The following RPS6KC1 variants were observed in gnomAD, a reference collection of about 807,000 sequenced individuals.
The protein encoded by RPS6KC1 is ribosomal protein S6 kinase C1.
RPS6KC1 carries 54 observed loss-of-function variants against 103.8 expected under a neutral mutation model. The ratio of observed to expected loss-of-function variants is 0.52; its 90% CI spans 0.42 to 0.65. The LOEUF (loss-of-function observed/expected upper bound fraction) is 0.65. Among genes scored for constraint, RPS6KC1 ranks in the 30% least tolerant of loss-of-function variants. The pLI is 0.00. For missense variants in RPS6KC1, 1,151 were observed against 1,253.8 expected (o/e 0.92, Z 1.24); for synonymous variants, 439 against 438.7 (o/e 1.00, Z -0.01).
the RPS6KC1 span, among the ~76,000 whole-genome samples, chr1:213,639,539 T>G: frequency 2.0e-5 from 3 of 152,108 alleles, no homozygotes; most frequent in South Asian, 6.2e-4. Context: ...TTGGGATTTT[T>G]TGGTAGATGT....
the RPS6KC1 span, among the ~76,000 whole-genome samples, chr1:213,372,472 C>T: frequency 6.6e-6 from 1 of 152,216 alleles, no homozygotes; most frequent in East Asian, 1.9e-4. Flanking sequence ...CCCATCCTGT[C>T]GAGGGGGAGC....
chr1:213,232,245 G>A lies in RPS6KC1; in HGVS notation c.1215G>A (p.Gln405=), dbSNP rs761314274. The change falls in exon 10 of 15, where the codon CAG becomes CAA. Residue 405 remains glutamine, a synonymous_variant. Coordinates refer to ENST00000366960, the MANE Select transcript of RPS6KC1 (RefSeq NM_012424.6). The part of the protein sequence containing the change: ...ISEESVFLVL[Q]HAEGGKLWSY... ...AGGAGTCAGTATTTCTTGTGCTGCAGCATGCGGAAGGTTGGTTTGTAGTTT... is the reference window on the plus strand; with the variant it reads ...AGGAGTCAGTATTTCTTGTGCTGCAACATGCGGAAGGTTGGTTTGTAGTTT... The A allele has an allele frequency of 1.2e-6, 2 of 1,613,948 alleles. No homozygotes were observed. Among genetic ancestry groups the A allele is most frequent in the South Asian group, 1.1e-5 (1 of 91,080 alleles).
At chr1:213,748,517 A>G in the RPS6KC1 span, among the ~76,000 whole-genome samples, 1 of 152,078 alleles carries the variant, frequency 6.6e-6, no homozygotes, top group Admixed American at 6.5e-5. Context: ...GTAATGGAAA[A>G]CTCCTGATTA....
At chr1:213,331,927 G>A in the RPS6KC1 span, among the ~76,000 whole-genome samples, 3 of 151,116 alleles carry the variant, frequency 2.0e-5, no homozygotes, top group Non-Finnish European at 4.4e-5. Flanking sequence ...TCCTGTTTTT[G>A]TGGATCTTCC....
intron 6 of RPS6KC1, among the ~76,000 whole-genome samples, chr1:213,161,661 G>T (rs1024958139): frequency 6.6e-6 from 1 of 152,090 alleles, no homozygotes; most frequent in African/African-American, 2.4e-5. Flanking sequence ...ATATCTGTTT[G>T]TGTTAACAGC....
At chr1:213,683,227 G>A in the RPS6KC1 span, among the ~76,000 whole-genome samples, 20,548 of 152,128 alleles carry the variant, frequency 0.14, 1,494 homozygotes, top group Non-Finnish European at 0.15. Context: ...GTCGGGGTCA[G>A]GAGTCTCTCT....
rs1467275580 is a variant in RPS6KC1, at chr1:213,051,259, T to G, written c.-146T>G. On this transcript the variant is annotated 5_prime_UTR_variant, in exon 1 of 15. Transcript: ENST00000366960. ...CTCTGCTGACCCGGAAGCAGAGCTG[T>G]GCAGCTGAGGCGCCGCCGTGGAGCC... 4 of 622,154 alleles carry G rather than the reference T, an allele frequency of 6.4e-6. No homozygotes were observed. In the African/African-American group the frequency reaches 7.5e-5, roughly 12 times the overall value. The allele number at this position is 622,154 out of a possible 1,614,324, so 38.5% of individuals were successfully genotyped here.
Position 213,143,784 on chromosome 1 carries a change from G to A in RPS6KC1, c.835+13895G>A, listed in dbSNP as rs1041244456. Among the ~76,000 whole-genome samples the A allele has an allele frequency of 2.3e-4, 34 of 148,662 alleles. 1 individual carries two copies. Among genetic ancestry groups the A allele is most frequent in the Admixed American group, 2.0e-3 (29 of 14,836 alleles). On this transcript the variant is annotated intron_variant, in intron 6 of 14. Coordinates refer to ENST00000366960, the MANE Select transcript of RPS6KC1 (RefSeq NM_012424.6). ...TTGTTTTGTAGGTTAGAAATCTGAC[G>A]TGAACCACACTGGGCAAAAATCAAG...
intron 5 of RPS6KC1, among the ~76,000 whole-genome samples, chr1:213,118,491 G>GGT (rs1225475234): frequency 6.6e-6 from 1 of 152,042 alleles, no homozygotes; most frequent in Non-Finnish European, 1.5e-5. Context: ...ATGAGGATGA[G>GGT]GTAGCCATCA....
At chr1:213,783,572 A>G in the RPS6KC1 span, among the ~76,000 whole-genome samples, 2 of 152,126 alleles carry the variant, frequency 1.3e-5, no homozygotes, top group Non-Finnish European at 2.9e-5. Context: ...TTTAAACTTC[A>G]AAAGGCGAGG....
chr1:213,433,685 C>G, the RPS6KC1 span, among the ~76,000 whole-genome samples: 1 of 152,134 alleles, frequency 6.6e-6, no homozygotes, highest in Non-Finnish European at 1.5e-5. Context: ...GTGTATAGTG[C>G]CATCTCATTG....
intron 13 of RPS6KC1, among the ~76,000 whole-genome samples, chr1:213,262,024 A>G (rs2094808639): frequency 6.6e-6 from 1 of 152,218 alleles, no homozygotes; most frequent in Non-Finnish European, 1.5e-5. Flanking sequence ...CTTATTTAAG[A>G]AAATTAACGT....
At chr1:213,605,443 A>G in the RPS6KC1 span, among the ~76,000 whole-genome samples, 1 of 151,270 alleles carries the variant, frequency 6.6e-6, no homozygotes, top group Non-Finnish European at 1.5e-5. Flanking sequence ...TGGATGTAAC[A>G]TTGTTGAACA....
the RPS6KC1 span, among the ~76,000 whole-genome samples, chr1:213,850,638 G>A: frequency 9.7e-4 from 147 of 152,226 alleles, no homozygotes; most frequent in Non-Finnish European, 1.9e-3. Context: ...ATTACACTTA[G>A]GCTTAGAGTA....
chr1:213,062,618 G>T (rs1418622356), intron 1 of RPS6KC1, among the ~76,000 whole-genome samples: 2 of 151,528 alleles, frequency 1.3e-5, no homozygotes, highest in African/African-American at 4.9e-5. Context: ...GTACAGTGGT[G>T]CGATCTTGGC....
the RPS6KC1 span, among the ~76,000 whole-genome samples, chr1:213,369,142 A>G: frequency 6.6e-6 from 1 of 152,214 alleles, no homozygotes; most frequent in Non-Finnish European, 1.5e-5. Flanking sequence ...AGGAGTCAGT[A>G]TGCTACAGAT....
At chr1:213,183,228 T>G (rs1177586945) in intron 8 of RPS6KC1, among the ~76,000 whole-genome samples, 1 of 152,106 alleles carries the variant, frequency 6.6e-6, no homozygotes, top group Admixed American at 6.5e-5. Context: ...GGTGGAGACT[T>G]CAACTGTCTC....
the RPS6KC1 span, among the ~76,000 whole-genome samples, chr1:213,496,474 C>T: frequency 5.9e-5 from 9 of 152,038 alleles, no homozygotes; most frequent in East Asian, 1.7e-3. Flanking sequence ...AACTTACTTT[C>T]AGGCCAGGCA....
chr1:213,428,581 TCCC>T, the RPS6KC1 span: 1 of 83,386 alleles, frequency 1.2e-5, no homozygotes, highest in Non-Finnish European at 2.4e-5. Context: ...TCTCCCTCCC[TCCC>T]TCCCTTCCTG....
Sources: allele counts gnomAD v4.1 joint callset (sites outside exome capture counted in the v4.1 genomes callset), GRCh38; gene constraint gnomAD v4.1.1; transcripts MANE v1.5; gene names NCBI Gene and HGNC (gene_info 2026-07-23, HGNC 2026-07-21).